Variants in TRDN observed in about 807,000 individuals in gnomAD.
The protein encoded by TRDN is triadin.
TRDN carries 161 observed loss-of-function variants against 149.7 expected under a neutral mutation model. The ratio of observed to expected loss-of-function variants is 1.08; its 90% CI spans 0.95 to 1.23. The LOEUF is 1.23. TRDN is among the 50% of genes most tolerant of loss of function. TRDN has a pLI of 0.00. For synonymous variants in TRDN, 294 were observed against 250.5 expected (o/e 1.17, Z -1.64); for missense variants, 896 against 823.5 (o/e 1.09, Z -1.08).
At chr6:123,343,231 C>T (rs1780128893) in intron 21 of TRDN, among the ~76,000 whole-genome samples, 1 of 152,090 alleles carries the variant, frequency 6.6e-6, no homozygotes, top group East Asian at 1.9e-4. Flanking sequence ...ATCTCACACA[C>T]ATATATTACA....
chr6:123,437,593 A>C (rs113100241), intron 12 of TRDN, among the ~76,000 whole-genome samples: 3 of 152,032 alleles, frequency 2.0e-5, no homozygotes, highest in African/African-American at 7.2e-5. Flanking sequence ...TTTCTCAAGG[A>C]ACTGAGAGCC....
At chr6:123,493,257 T>C (rs1313965416) in intron 9 of TRDN, among the ~76,000 whole-genome samples, 1 of 152,108 alleles carries the variant, frequency 6.6e-6, no homozygotes, top group Non-Finnish European at 1.5e-5. Flanking sequence ...TTTGATTCAA[T>C]ACAACCAAAT....
chr6:123,362,008 T>C (rs1780926862), intron 20 of TRDN, among the ~76,000 whole-genome samples: 1 of 152,220 alleles, frequency 6.6e-6, no homozygotes, highest in Admixed American at 6.5e-5. Flanking sequence ...TTGACTTAAA[T>C]TTATGTAAAA....
At chr6:123,226,568 G>A (rs1303309564) in intron 38 of TRDN, among the ~76,000 whole-genome samples, 1 of 151,864 alleles carries the variant, frequency 6.6e-6, no homozygotes, top group East Asian at 1.9e-4. Flanking sequence ...GCTGGCAAGA[G>A]CTGAGTCACA....
chr6:123,526,172 A>T (rs1779937393), intron 5 of TRDN, among the ~76,000 whole-genome samples: 1 of 152,082 alleles, frequency 6.6e-6, no homozygotes, highest in South Asian at 2.1e-4. Context: ...TTAAAGATGC[A>T]TACAGTCTAT....
chr6:123,511,375 A>G (rs1050605493), intron 7 of TRDN, among the ~76,000 whole-genome samples: 2 of 152,128 alleles, frequency 1.3e-5, no homozygotes, highest in Admixed American at 6.6e-5. Flanking sequence ...GTTTGAGGTG[A>G]TGGACATCCC....
intron 9 of TRDN, chr6:123,471,459 T>C (rs1777145043): frequency 6.6e-6 from 1 of 152,196 alleles, no homozygotes; most frequent in African/African-American, 2.4e-5. Context: ...TAATTAACTC[T>C]CAAGGGTTTT....
chr6:123,388,630 C>T, intron 13 of TRDN, 79 bp from the exon 14 acceptor site: 2 of 1,494,764 alleles, frequency 1.3e-6, no homozygotes, highest in Non-Finnish European at 1.8e-6. Context: ...GAATGTATTC[C>T]ACATATTCAT....
chr6:123,475,235 G>A (rs760471235), intron 9 of TRDN, among the ~76,000 whole-genome samples: 6 of 147,292 alleles, frequency 4.1e-5, no homozygotes, highest in South Asian at 2.2e-4. Context: ...TATCACCACC[G>A]ATCCCACAGA....
chr6:123,553,872 A>G (rs1430629672), intron 2 of TRDN, among the ~76,000 whole-genome samples: 1 of 152,178 alleles, frequency 6.6e-6, no homozygotes, highest in Non-Finnish European at 1.5e-5. Context: ...CTCTAATTCA[A>G]GATGATATTT....
At chr6:123,590,593 T>C (rs906012896) in intron 1 of TRDN, among the ~76,000 whole-genome samples, 48 of 152,034 alleles carry the variant, frequency 3.2e-4, no homozygotes, top group African/African-American at 1.1e-3. Context: ...TGAAACCCCG[T>C]CTCTACTAAA....
At chr6:123,464,627 A>C (rs1304949843) in intron 10 of TRDN, 1 of 1,152,910 alleles carries the variant, frequency 8.7e-7, no homozygotes. Context: ...GCATAGCCTT[A>C]TCTATTTGTC....
chr6:123,616,068 A>G (rs1404357840), intron 1 of TRDN, among the ~76,000 whole-genome samples: 1 of 152,146 alleles, frequency 6.6e-6, no homozygotes, highest in African/African-American at 2.4e-5. Flanking sequence ...TATAAAAATT[A>G]GGCTGGGGGC....
At chr6:123,453,926 TAC>T (rs1320216453) in intron 10 of TRDN, among the ~76,000 whole-genome samples, 1 of 151,978 alleles carries the variant, frequency 6.6e-6, no homozygotes, top group Non-Finnish European at 1.5e-5. Flanking sequence ...TGTATATATA[TAC>T]ATGATGGAAT....
chr6:123,569,170 C>T (rs1782435118), intron 2 of TRDN, among the ~76,000 whole-genome samples: 1 of 152,294 alleles, frequency 6.6e-6, no homozygotes, highest in African/African-American at 2.4e-5. Context: ...TCTACAGATC[C>T]CTAGGGCATG....
At chr6:123,260,352 T>C (rs1292509430) in intron 34 of TRDN, among the ~76,000 whole-genome samples, 6 of 152,094 alleles carry the variant, frequency 3.9e-5, no homozygotes, top group African/African-American at 1.4e-4. Context: ...ATTTTCTTGC[T>C]ACACTTTTTA....
At chr6:123,403,845 T>C (rs1160678805) in intron 12 of TRDN, among the ~76,000 whole-genome samples, 2 of 151,722 alleles carry the variant, frequency 1.3e-5, no homozygotes, top group African/African-American at 2.4e-5. Context: ...AAAAGAGGAA[T>C]TGAAAAAATG....
At chr6:123,380,556 G>A (rs369200871) in intron 16 of TRDN, among the ~76,000 whole-genome samples, 10 of 152,170 alleles carry the variant, frequency 6.6e-5, no homozygotes, top group African/African-American at 2.4e-4. Flanking sequence ...TTTTTACAAC[G>A]TTGAATGTCT....
chr6:123,326,402 C>A (rs1779458279), intron 23 of TRDN, among the ~76,000 whole-genome samples: 1 of 152,082 alleles, frequency 6.6e-6, no homozygotes, highest in South Asian at 2.1e-4. Flanking sequence ...AAAGTCCCAT[C>A]TCACTTCAGT....
Sources: gnomAD v4.1 joint callset for allele counts (sites outside exome capture counted in the v4.1 genomes callset) on GRCh38, gnomAD v4.1.1 for gene constraint, MANE v1.5 for transcripts, NCBI Gene and HGNC (gene_info 2026-07-23, HGNC 2026-07-21) for gene names.